ESR1: variants seen among roughly 807,000 people sequenced by gnomAD.
The protein encoded by ESR1 is estrogen receptor.
A neutral mutation model predicts 52.7 loss-of-function variants in ESR1; 12 were observed. The observed-to-expected ratio is 0.23, with a 90% CI of 0.15 to 0.37. ESR1 has a LOEUF of 0.37. ESR1 is among the 10% of genes least tolerant of loss of function. The probability of loss-of-function intolerance (pLI) is 1.00; values close to 1 mark genes in which losing one functional copy is unlikely to be tolerated. For synonymous variants in ESR1, 305 were observed against 316.8 expected, an observed-to-expected ratio of 0.96 and a Z score of 0.39; for missense variants, 584 against 779.7, an observed-to-expected ratio of 0.75 and a Z score of 2.99.
exon 7 of ESR1, chr6:152,126,168 C>T (rs1338280525): frequency 6.6e-6 from 1 of 152,184 alleles, no homozygotes; most frequent in Non-Finnish European, 1.5e-5. Flanking sequence ...ACAGAGAGAA[C>T]ACACAATATT....
upstream of ESR1, among the ~76,000 whole-genome samples, chr6:151,689,408 T>A (rs1778813717): frequency 1.3e-5 from 2 of 152,208 alleles, no homozygotes. Context: ...GTTCAGTCAA[T>A]TGCAATTAAA....
At chr6:152,057,376 TTATTATGCAAA>T (rs2128945451) in intron 5 of ESR1, among the ~76,000 whole-genome samples, 1 of 152,294 alleles carries the variant, frequency 6.6e-6, no homozygotes. Flanking sequence ...TAATTTTTAT[TTATTATGCAAA>T]TAGTGGATTC....
chr6:151,943,146 C>T (rs9340900), intron 3 of ESR1, among the ~76,000 whole-genome samples: 3,421 of 152,016 alleles, frequency 0.023, 182 homozygotes, highest in Admixed American at 0.12. Flanking sequence ...TTTGGGAGGC[C>T]GAGGCAGGCA....
At chr6:151,804,699 A>C (rs1320964537), upstream of ESR1, 1 of 152,170 alleles carries the variant, frequency 6.6e-6, no homozygotes, top group African/African-American at 2.4e-5. Context: ...TCTCTCAGTA[A>C]CTGCATAGTG....
At chr6:151,841,049 A>C (rs1270064099) in intron 1 of ESR1, among the ~76,000 whole-genome samples, 2 of 152,020 alleles carry the variant, frequency 1.3e-5, no homozygotes, top group Non-Finnish European at 2.9e-5. Flanking sequence ...CCTTCCTTCC[A>C]GTCTTCTTCA....
At chr6:152,083,089 T>C (rs896068803) in intron 6 of ESR1, among the ~76,000 whole-genome samples, 2 of 146,570 alleles carry the variant, frequency 1.4e-5, no homozygotes, top group Non-Finnish European at 3.0e-5. Context: ...CCATTGACTT[T>C]CTTCACAGAC....
intron 4 of ESR1, among the ~76,000 whole-genome samples, chr6:151,954,569 G>A (rs145824350): frequency 3.9e-4 from 59 of 152,274 alleles, no homozygotes; most frequent in African/African-American, 1.3e-3. Context: ...GGGCAGTTCC[G>A]TCTCTGGAGA....
intron 2 of ESR1, among the ~76,000 whole-genome samples, chr6:151,746,249 G>T (rs1250917227): frequency 6.6e-6 from 1 of 152,120 alleles, no homozygotes; most frequent in African/African-American, 2.4e-5. Context: ...ATAGGATTAG[G>T]ATTGCAGGAT....
In ESR1 at chr6:152,089,431, T is replaced by G. The variant is rs529440182; in HGVS notation, c.1370-4954T>G. ...TCAATTAAATGCATGGTTGAAAAGC[T>G]GACATAATACATTCAATTGCCAAAT... is the stretch of plus-strand genomic sequence containing the variant. On this transcript the variant is annotated intron_variant, in intron 6 of 7. Coordinates refer to ENST00000206249, the MANE Select transcript of ESR1 (RefSeq NM_000125.4). Among the ~76,000 whole-genome samples, 38 of 152,084 alleles carry G rather than the reference T, an allele frequency of 2.5e-4. 2 individuals carry two copies. The South Asian group carries it at 7.9e-3, about 31-fold the overall frequency.
chr6:152,030,557 G>A (rs139027393), intron 5 of ESR1, among the ~76,000 whole-genome samples: 8,235 of 152,256 alleles, frequency 0.054, 292 homozygotes, highest in South Asian at 0.1. Context: ...TTACATAATA[G>A]TAAAGGGATC....
At position 152,061,227 on chromosome 6, in the gene ESR1, GA is replaced by G. The variant is rs1270134944; in HGVS notation, c.1369+106del. The G allele has an allele frequency of 8.9e-7, 1 of 1,128,434 alleles. No homozygotes were observed. The highest frequency in any genetic ancestry group is 1.3e-6 in the Non-Finnish European group (1 of 749,384). 69.9% of individuals were successfully genotyped at this position (1,128,434 alleles called of 1,614,324 possible). Reference sequence around the variant, plus strand: ...CTCCAAAGGCATAATGTCATAAATAGAAAGAAACTACTGACACACGTTTTAA... The same window carrying G: ...CTCCAAAGGCATAATGTCATAAATAGAAGAAACTACTGACACACGTTTTAA... On this transcript the variant is annotated intron_variant, in intron 6 of 7. Coordinates refer to ENST00000206249, the MANE Select transcript of ESR1 (RefSeq NM_000125.4). This position sits in a 1 kb window ranked among gnomAD's most constrained non-coding sequence, Gnocchi z 4.3.
chr6:152,103,760 C>T (rs971799039), downstream of ESR1, among the ~76,000 whole-genome samples: 5 of 152,062 alleles, frequency 3.3e-5, no homozygotes, highest in Admixed American at 3.3e-4. Flanking sequence ...AAAACCTCTC[C>T]CTCATTCTGA....
intron 6 of ESR1, among the ~76,000 whole-genome samples, chr6:152,073,818 T>C (rs1489802197): frequency 1.3e-5 from 2 of 152,144 alleles, no homozygotes; most frequent in African/African-American, 2.4e-5. Flanking sequence ...CTCAAGCCCC[T>C]CCAGATGCAG....
chr6:151,744,127 C>G (rs1388203310), intron 2 of ESR1, among the ~76,000 whole-genome samples: 1 of 151,998 alleles, frequency 6.6e-6, no homozygotes, highest in Non-Finnish European at 1.5e-5. Flanking sequence ...TATAAATATA[C>G]TTCATTTTCT....
chr6:151,974,862 C>T (rs1414235103), intron 4 of ESR1, among the ~76,000 whole-genome samples: 1 of 152,204 alleles, frequency 6.6e-6, no homozygotes, highest in Non-Finnish European at 1.5e-5. Context: ...CTCGCTCTGT[C>T]TCTGCCTAGC....
chr6:151,684,461 C>A (rs1056577045), intron 1 of ESR1, among the ~76,000 whole-genome samples: 1 of 152,042 alleles, frequency 6.6e-6, no homozygotes, highest in Non-Finnish European at 1.5e-5. Flanking sequence ...TGGACGGATT[C>A]GAAATGGTAG....
At chr6:151,940,670 T>C (rs2034951517) in intron 3 of ESR1, among the ~76,000 whole-genome samples, 1 of 152,210 alleles carries the variant, frequency 6.6e-6, no homozygotes, top group South Asian at 2.1e-4. Flanking sequence ...GTTTTCTTTG[T>C]CTCCTTCTTC....
At chr6:151,968,027 G>A (rs2038471790) in intron 4 of ESR1, among the ~76,000 whole-genome samples, 1 of 151,884 alleles carries the variant, frequency 6.6e-6, no homozygotes, top group Admixed American at 6.6e-5. Flanking sequence ...TTTTTGATGG[G>A]GTTGTTTTTT....
chr6:152,105,963 A>ATT (rs76877123), downstream of ESR1, among the ~76,000 whole-genome samples: 6 of 131,742 alleles, frequency 4.6e-5, no homozygotes, highest in South Asian at 9.8e-4. Flanking sequence ...AATTTTTTGT[A>ATT]TTTTTTTTTT....
Sources: gnomAD v4.1 joint callset for allele counts (sites outside exome capture counted in the v4.1 genomes callset) on GRCh38, gnomAD v4.1.1 for gene constraint, Gnocchi (gnomAD v3.1) non-coding constraint, MANE v1.5 for transcripts, NCBI Gene and HGNC (gene_info 2026-07-23, HGNC 2026-07-21) for gene names.